The following EML1 variants were observed in gnomAD, a reference collection of about 807,000 sequenced individuals.
The protein encoded by EML1 is echinoderm microtubule-associated protein-like 1.
EML1 carries 27 observed loss-of-function variants against 110.4 expected under a neutral mutation model. The observed-to-expected ratio is 0.24, with a 90% CI of 0.18 to 0.34. EML1 has a LOEUF of 0.34. Among genes scored for constraint, EML1 ranks in the 10% least tolerant of loss-of-function variants. The probability of loss-of-function intolerance (pLI) is 1.00; values close to 1 mark genes in which losing one functional copy is unlikely to be tolerated. For synonymous variants in EML1, 344 were observed against 385.8 expected (o/e 0.89, Z 1.27); for missense variants, 741 against 1,030.9 (o/e 0.72, Z 3.85).
At chr14:99,770,877 C>G (rs11620644), upstream of EML1, among the ~76,000 whole-genome samples, 23,856 of 149,604 alleles carry the variant, frequency 0.16, 2,244 homozygotes, top group East Asian at 0.29. Context: ...CTCCGCCTCC[C>G]GGGTTCACGC....
At chr14:99,744,079 G>C (rs571832501) in intron 1 of EML1, among the ~76,000 whole-genome samples, 1 of 152,106 alleles carries the variant, frequency 6.6e-6, no homozygotes, top group East Asian at 1.9e-4. Context: ...TCCAATTTTT[G>C]CACTTTGATT....
intron 1 of EML1, among the ~76,000 whole-genome samples, chr14:99,776,777 C>G (rs1036492913): frequency 2.6e-5 from 4 of 152,176 alleles, no homozygotes; most frequent in African/African-American, 9.7e-5. Flanking sequence ...AGCTACCTTT[C>G]CTACAGCCAC....
intron 9 of EML1, among the ~76,000 whole-genome samples, chr14:99,902,008 G>A (rs1266014622): frequency 2.0e-5 from 3 of 152,080 alleles, no homozygotes; most frequent in South Asian, 4.1e-4. Context: ...TAACTTCTTC[G>A]GGCTGAATAG....
At chr14:99,822,239 C>T (rs1339697802) in intron 1 of EML1, among the ~76,000 whole-genome samples, 2 of 152,062 alleles carry the variant, frequency 1.3e-5, no homozygotes, top group African/African-American at 4.8e-5. Context: ...ATAGCTCCAT[C>T]GTTAATGGTG....
chr14:99,878,612 A>G lies in EML1; in HGVS notation c.511A>G (p.Ser171Gly), dbSNP rs1423949084. The change falls in exon 4 of 22, where the codon AGT becomes GGT. Residue 171 changes from serine to glycine, a missense_variant. By Grantham distance (56) the Ser-to-Gly change is moderately conservative. Around this residue, in one of 4 missense-constraint regions of EML1, gnomAD observed 226 missense variants for 255.6 expected, o/e 0.88. Transcript: ENST00000262233. The stretch of plus-strand genomic sequence containing the variant: ...CAGCTCTTCCAGTGGCAAAAAGAAC[A>G]GTGAAAGGTAAGGACGTCTTATCTC... ...TSSSSSGKKN[S>G]ESKPKEPVFS... 1 of 1,613,526 alleles carries G rather than the reference A, an allele frequency of 6.2e-7. No individual in the cohort carries two copies. Among genetic ancestry groups the G allele is most frequent in the Non-Finnish European group, 8.5e-7 (1 of 1,179,838 alleles).
Position 99,896,777 on chromosome 14 carries a change from ATGTG to A in EML1, c.678-360_678-357del, listed in dbSNP as rs199988532. Among the ~76,000 whole-genome samples, 571 of 150,426 alleles carry A rather than the reference ATGTG, an allele frequency of 3.8e-3. 5 individuals are homozygous for A. Among genetic ancestry groups the A allele is most frequent in the African/African-American group, 0.013 (522 of 40,716 alleles). On this transcript the variant is annotated intron_variant, in intron 6 of 21. Coordinates refer to ENST00000262233, the MANE Select transcript of EML1 (RefSeq NM_004434.3). ...TTACCTTTTATGTATGTTTGTGTGC[ATGTG>A]TGTGTGTCATTTGTACCCTTTGTAA...
At chr14:99,819,701 C>T (rs2058229336) in intron 1 of EML1, among the ~76,000 whole-genome samples, 1 of 152,124 alleles carries the variant, frequency 6.6e-6, no homozygotes, top group Non-Finnish European at 1.5e-5. Context: ...GGAGGTTTCC[C>T]TCCGTGGTGG....
Position 99,939,102 on chromosome 14 carries a change from T to A in EML1, c.2192-95T>A, listed in dbSNP as rs2060527782. On this transcript the variant is annotated intron_variant, in intron 20 of 21. Coordinates refer to ENST00000262233, the MANE Select transcript of EML1 (RefSeq NM_004434.3). This position sits in a 1 kb window ranked among gnomAD's most constrained non-coding sequence, Gnocchi z 4.2. ...GTTTCTAAAGCTGGACTTCAGGCAG[T>A]TTCATGTTCAGGACCGTTCAGTGGG... The A allele has an allele frequency of 6.6e-7, 1 of 1,519,066 alleles. No individual in the cohort carries two copies. The highest frequency in any genetic ancestry group is 2.2e-5 in the Admixed American group (1 of 45,374). 94.1% of individuals were successfully genotyped at this position (1,519,066 alleles called of 1,614,324 possible).
chr14:99,766,211 T>TG (rs2057367784), intron 1 of EML1, among the ~76,000 whole-genome samples: 4 of 151,460 alleles, frequency 2.6e-5, no homozygotes, highest in African/African-American at 7.3e-5. Flanking sequence ...TTTTTTTTTT[T>TG]TGAGACAGAG....
chr14:99,923,631 C>A (rs2060172645), intron 17 of EML1, among the ~76,000 whole-genome samples: 1 of 65,762 alleles, frequency 1.5e-5, no homozygotes. Flanking sequence ...TCCGGATACT[C>A]AGTTCTGCCC....
intron 1 of EML1, among the ~76,000 whole-genome samples, chr14:99,759,572 C>T (rs752128437): frequency 6.6e-6 from 1 of 152,218 alleles, no homozygotes; most frequent in Non-Finnish European, 1.5e-5. Flanking sequence ...ACTTCCTGTC[C>T]TTTCATCCTC....
chr14:99,858,112 A>G (rs1214914045), intron 2 of EML1, among the ~76,000 whole-genome samples: 1 of 151,890 alleles, frequency 6.6e-6, no homozygotes, highest in East Asian at 1.9e-4. Flanking sequence ...TCTTGTTCTG[A>G]ACCTTGCTCT....
At chr14:99,835,627 G>A (rs1248885994) in intron 1 of EML1, among the ~76,000 whole-genome samples, 8 of 152,122 alleles carry the variant, frequency 5.3e-5, no homozygotes, top group Non-Finnish European at 1.0e-4. Flanking sequence ...CTTTCTAAGC[G>A]ACAGCTCACA....
At chr14:99,855,861 C>T (rs1365665002) in intron 2 of EML1, among the ~76,000 whole-genome samples, 1 of 152,158 alleles carries the variant, frequency 6.6e-6, no homozygotes. Context: ...GCAAGTCAGT[C>T]CTGTCATTCC....
chr14:99,813,349 T>C (rs1595326467), intron 1 of EML1, among the ~76,000 whole-genome samples: 1 of 152,342 alleles, frequency 6.6e-6, no homozygotes, highest in East Asian at 1.9e-4. Context: ...AATTATATAG[T>C]GTTTTTGTTG....
chr14:99,919,352 G>A (rs2060087827), intron 16 of EML1, among the ~76,000 whole-genome samples: 1 of 151,270 alleles, frequency 6.6e-6, no homozygotes, highest in Admixed American at 6.6e-5. Context: ...CTTAAGTATT[G>A]GGCTCCATGT....
At chr14:99,783,959 C>T (rs1413525764) in intron 1 of EML1, among the ~76,000 whole-genome samples, 1 of 152,238 alleles carries the variant, frequency 6.6e-6, no homozygotes, top group Non-Finnish European at 1.5e-5. Flanking sequence ...GAACAAAATG[C>T]CCTGGAAATC....
intron 3 of EML1, chr14:99,875,056 G>A (rs1160618427): frequency 3.3e-5 from 49 of 1,494,884 alleles, no homozygotes; most frequent in South Asian, 2.8e-4. Flanking sequence ...CTGTTTTAAC[G>A]TAGTAGCTTC....
chr14:99,840,010 A>T (rs2058608156), intron 1 of EML1, among the ~76,000 whole-genome samples: 1 of 146,088 alleles, frequency 6.8e-6, no homozygotes, highest in Non-Finnish European at 1.5e-5. Flanking sequence ...ATGACAGTTA[A>T]TTGCTTCTCT....
Sources: gnomAD v4.1 joint callset for allele counts (sites outside exome capture counted in the v4.1 genomes callset) on GRCh38, gnomAD v4.1.1 for gene constraint, gnomAD v4.1.1 regional missense constraint, Gnocchi (gnomAD v3.1) non-coding constraint, MANE v1.5 for transcripts, NCBI Gene and HGNC (gene_info 2026-07-23, HGNC 2026-07-21) for gene names.